Variants in RUNX3 observed in about 807,000 individuals in gnomAD.
The protein encoded by RUNX3 is RUNX family transcription factor 3, also known as runt-related transcription factor 3.
In RUNX3, 10 loss-of-function variants were observed where a neutral mutation model predicts 27.7. The observed-to-expected ratio is 0.36, with a 90% CI of 0.22 to 0.61. The LOEUF (loss-of-function observed/expected upper bound fraction) is 0.61. RUNX3 is among the 20% of genes least tolerant of loss of function. RUNX3 has a pLI of 0.72. For missense variants in RUNX3, 469 were observed against 629.5 expected (o/e 0.75, Z 2.73); for synonymous variants, 270 against 269.2 (o/e 1.00, Z -0.03).
chr1:24,952,059 T>C (rs1270216566), intron 2 of RUNX3, among the ~76,000 whole-genome samples: 1 of 152,244 alleles, frequency 6.6e-6, no homozygotes, highest in Non-Finnish European at 1.5e-5. Context: ...TGTTTACTGC[T>C]AATGGAACTA....
upstream of RUNX3, among the ~76,000 whole-genome samples, chr1:24,933,411 T>A (rs1641274376): frequency 6.6e-6 from 1 of 152,272 alleles, no homozygotes; most frequent in Non-Finnish European, 1.5e-5. Flanking sequence ...ATCACTGTCA[T>A]GAAAAAATAA....
chr1:24,946,040 T>C (rs1282040482), intron 2 of RUNX3, among the ~76,000 whole-genome samples: 1 of 152,092 alleles, frequency 6.6e-6, no homozygotes, highest in South Asian at 2.1e-4. Flanking sequence ...CCCAGAAGCA[T>C]TTGAGAATGA....
At chr1:24,909,619 T>C (rs1018820000) in intron 3 of RUNX3, among the ~76,000 whole-genome samples, 1 of 152,218 alleles carries the variant, frequency 6.6e-6, no homozygotes, top group African/African-American at 2.4e-5. Flanking sequence ...TGCTGGCCAC[T>C]GGAGGCACAG....
chr1:24,902,672 G>A lies in RUNX3; in HGVS notation c.704-6C>T, dbSNP rs1400759240. 6.6e-7 allele frequency: 1 copy of A among 1,512,120 alleles called. No individual in the cohort carries two copies. The highest frequency in any genetic ancestry group is 8.9e-7 in the Non-Finnish European group (1 of 1,129,034). The allele number at this position is 1,512,120 out of a possible 1,614,324, so 93.7% of individuals were successfully genotyped here. ...TGGGTTCAGTTCCGAGGTGCCTGGA[G>A]GACAGCAGGGAAGAGGTCAGTTCCA... On this transcript the variant is annotated splice_region_variant and splice_polypyrimidine_tract_variant and intron_variant, in intron 4 of 4. Coordinates refer to ENST00000308873, the MANE Select transcript of RUNX3 (RefSeq NM_004350.3). The surrounding 1 kb of genome is among the most constrained non-coding windows in gnomAD (Gnocchi z 9.2).
chr1:24,901,010 C>CTGTTT lies in RUNX3; in HGVS notation c.*1107_*1111dup, dbSNP rs1221892494. Reference sequence around the variant, plus strand: ...CTTTTTCTAAAATCAGTTTTAAAAACTGTTTTGTTTTTTTTTTGTTTTTTT... The same window carrying CTGTTT: ...CTTTTTCTAAAATCAGTTTTAAAAACTGTTTTGTTTTGTTTTTTTTTTGTTTTTTT... On this transcript the variant is annotated 3_prime_UTR_variant, in exon 5 of 5. Coordinates refer to ENST00000308873, the MANE Select transcript of RUNX3 (RefSeq NM_004350.3). 1.4e-5 allele frequency: 2 copies of CTGTTT among 145,952 alleles called. No homozygotes were observed. Among genetic ancestry groups the CTGTTT allele is most frequent in the African/African-American group, 2.6e-5 (1 of 39,212 alleles). The allele number at this position is 145,952 out of a possible 1,614,324, so 9.0% of individuals were successfully genotyped here. A position where few individuals can be genotyped will look rare whatever the true frequency, so the allele number is the denominator to read the frequency against.
At chr1:24,903,640 C>T (rs7536526) in intron 4 of RUNX3, among the ~76,000 whole-genome samples, 17,277 of 152,174 alleles carry the variant, frequency 0.11, 1,918 homozygotes, top group African/African-American at 0.29. Context: ...AACTGAGGCC[C>T]AGACAGGGTG....
rs116179728 is a variant in RUNX3 at position 24,956,159 on chromosome 1, G to A, written c.58+8355C>T. The stretch of plus-strand genomic sequence containing the variant: ...GATTTGGGAAGAAGAACAGAGAGCA[G>A]GGTGGCCAGCAGGGCCTTGCCTGGG... On this transcript the variant is annotated intron_variant, in intron 2 of 6. Coordinates refer to the RUNX3 transcript ENST00000338888. 3.8e-3 allele frequency among the ~76,000 whole-genome samples: 585 copies of A among 152,384 alleles called. 2 individuals carry two copies. The highest frequency in any genetic ancestry group is 0.013 in the African/African-American group (558 of 41,592).
chr1:24,900,440 A>AT lies in RUNX3; in HGVS notation c.*1681dup, dbSNP rs1172528857. On this transcript the variant is annotated 3_prime_UTR_variant, in exon 5 of 5. Transcript: ENST00000308873. ...CCGAGGCAGAAAGTTAAAATACCGC[A>AT]TGCTGCTAGCCTTTATGAGTTCCCT... 6.6e-6 allele frequency: 1 copy of AT among 152,388 alleles called. No homozygotes were observed. Among genetic ancestry groups the AT allele is most frequent in the African/African-American group, 2.4e-5 (1 of 41,460 alleles). 9.4% of individuals were successfully genotyped at this position (152,388 alleles called of 1,614,324 possible).
At position 24,927,115 on chromosome 1, in the gene RUNX3, A is replaced by G. The variant is rs1407801494; in HGVS notation, c.439+459T>C. ...TGGGAAACTGGGTCTGGGAGACCAC[A>G]GCTGGAGAGACAGCCTCAGAGTGTG... On this transcript the variant is annotated intron_variant, in intron 2 of 4. Transcript: ENST00000308873. The surrounding 1 kb of genome is among the most constrained non-coding windows in gnomAD (Gnocchi z 5.0). Among the ~76,000 whole-genome samples, 1 of 152,224 alleles carries G rather than the reference A, an allele frequency of 6.6e-6. No homozygotes were observed. Among genetic ancestry groups the G allele is most frequent in the African/African-American group, 2.4e-5 (1 of 41,452 alleles).
intron 2 of RUNX3, chr1:24,919,552 T>G: frequency 2.1e-6 from 1 of 474,658 alleles, no homozygotes; most frequent in Non-Finnish European, 3.8e-6. Context: ...GACGCCAACT[T>G]TGTCAACCCC....
In RUNX3 at chr1:24,953,239, C is replaced by T. The variant is rs1030702115; in HGVS notation, c.58+11275G>A. Reference sequence around the variant, plus strand: ...AATTAGCCAGGCGTAGTGGCGGGCACCTGTAGTCCCAGCTACTCGAGAGGC... The same window carrying T: ...AATTAGCCAGGCGTAGTGGCGGGCATCTGTAGTCCCAGCTACTCGAGAGGC... On this transcript the variant is annotated intron_variant, in intron 2 of 6. Transcript: ENST00000338888. Among the ~76,000 whole-genome samples, 93 of 151,486 alleles carry T rather than the reference C, an allele frequency of 6.1e-4. 1 individual carries two copies. The highest frequency in any genetic ancestry group is 1.0e-3 in the Non-Finnish European group (71 of 67,782).
At chr1:24,960,537 A>G (rs1642081086) in intron 2 of RUNX3, among the ~76,000 whole-genome samples, 1 of 152,128 alleles carries the variant, frequency 6.6e-6, no homozygotes. Context: ...GAGCCCCCTT[A>G]AAGCCTACAT....
Position 24,929,638 on chromosome 1 carries a change from G to C in RUNX3, c.231C>G (p.Ser77=), listed in dbSNP as rs765326218. The C allele has an allele frequency of 6.2e-7, 1 of 1,607,510 alleles. No homozygotes were observed. Among genetic ancestry groups the C allele is most frequent in the South Asian group, 1.1e-5 (1 of 90,802 alleles). ...VRTDSPNFLC[S]VLPSHWRCNK... ...TGCAGCGCCAGTGCGAGGGCAGCAC[G>C]GAGCAGAGGAAGTTGGGGCTGTCGG... Residue 77 remains serine (S), a synonymous_variant, in exon 1 of 5, where the codon TCC becomes TCG. Transcript: ENST00000308873.
intron 4 of RUNX3, among the ~76,000 whole-genome samples, chr1:24,906,599 C>A (rs535608831): frequency 5.4e-4 from 82 of 152,276 alleles, no homozygotes; most frequent in African/African-American, 1.9e-3. Flanking sequence ...CTGCCTGAGG[C>A]CTGGCTGCAA....
chr1:24,933,716 C>T (rs528817302), upstream of RUNX3, among the ~76,000 whole-genome samples: 5 of 152,310 alleles, frequency 3.3e-5, no homozygotes, highest in South Asian at 6.2e-4. Context: ...ACCTCACTTT[C>T]GCCCCCAGCC....
At chr1:24,922,230 A>T in intron 2 of RUNX3, among the ~76,000 whole-genome samples, 1 of 134,908 alleles carries the variant, frequency 7.4e-6, no homozygotes, top group Non-Finnish European at 1.5e-5. Context: ...CTATGTGCCC[A>T]GGCTGGTCTT....
Position 24,900,997 on chromosome 1 carries a change from T to C in RUNX3, c.*1125A>G, listed in dbSNP as rs1156427092. 6.6e-6 allele frequency: 1 copy of C among 151,874 alleles called. No homozygotes were observed. Among genetic ancestry groups the C allele is most frequent in the African/African-American group, 2.4e-5 (1 of 41,330 alleles). The allele number at this position is 151,874 out of a possible 1,614,324, so 9.4% of individuals were successfully genotyped here. ...TTAGATTAAGCTTCTTTTTCTAAAA[T>C]CAGTTTTAAAAACTGTTTTGTTTTT... On this transcript the variant is annotated 3_prime_UTR_variant, in exon 5 of 5. Transcript: ENST00000308873.
chr1:24,912,861 G>C (rs1055104569), intron 3 of RUNX3, among the ~76,000 whole-genome samples: 4 of 151,824 alleles, frequency 2.6e-5, no homozygotes, highest in African/African-American at 9.7e-5. Flanking sequence ...TAGATGTATC[G>C]GGACTCCACA....
chr1:24,909,454 C>T (rs373251440), intron 3 of RUNX3, among the ~76,000 whole-genome samples: 7 of 152,164 alleles, frequency 4.6e-5, no homozygotes, highest in African/African-American at 1.4e-4. Context: ...TAGTAGCACA[C>T]CTTGGAGCTC....
Sources: allele counts gnomAD v4.1 joint callset (sites outside exome capture counted in the v4.1 genomes callset), GRCh38; gene constraint gnomAD v4.1.1; non-coding constraint Gnocchi (gnomAD v3.1); transcripts MANE v1.5; gene names NCBI Gene and HGNC (gene_info 2026-07-23, HGNC 2026-07-21).